CHN1: variants seen among roughly 807,000 people sequenced by gnomAD.
The protein encoded by CHN1 is N-chimaerin.
CHN1 carries 37 observed loss-of-function variants against 59.5 expected under a neutral mutation model. The ratio of observed to expected loss-of-function variants is 0.62; its 90% CI spans 0.48 to 0.82. The LOEUF is 0.82. Among genes scored for constraint, CHN1 ranks in the 40% least tolerant of loss-of-function variants. The pLI is 0.00. For missense variants in CHN1, 469 were observed against 571.0 expected (o/e 0.82, Z 1.82); for synonymous variants, 206 against 200.4 (o/e 1.03, Z -0.24).
intron 2 of CHN1, among the ~76,000 whole-genome samples, chr2:174,950,218 A>G (rs1689973751): frequency 6.6e-6 from 1 of 151,002 alleles, no homozygotes; most frequent in African/African-American, 2.4e-5. Flanking sequence ...ACTGCACACC[A>G]GCCTGGGCGA....
intron 7 of CHN1, 76 bp from the exon 8 acceptor site, chr2:174,824,594 T>A: frequency 2.6e-6 from 2 of 776,370 alleles, no homozygotes; most frequent in Non-Finnish European, 4.2e-6. Flanking sequence ...ATCAAAGCAC[T>A]AATATACAAG....
chr2:174,828,369 A>G (rs1307584098), intron 7 of CHN1, among the ~76,000 whole-genome samples: 1 of 152,256 alleles, frequency 6.6e-6, no homozygotes, highest in East Asian at 1.9e-4. Flanking sequence ...TTTTCTTTTT[A>G]CGTGCGTCGT....
At chr2:174,815,918 GT>G (rs1026165655) in intron 8 of CHN1, among the ~76,000 whole-genome samples, 3 of 151,896 alleles carry the variant, frequency 2.0e-5, no homozygotes, top group African/African-American at 7.3e-5. Context: ...AGTTTACAAA[GT>G]TTTTTTTAAA....
chr2:174,960,380 C>T (rs148352016), intron 1 of CHN1, among the ~76,000 whole-genome samples: 99 of 152,274 alleles, frequency 6.5e-4, no homozygotes, highest in African/African-American at 2.3e-3. Context: ...TTGAAGATAC[C>T]TGGACTACAT....
At chr2:174,949,839 G>A (rs1266735358) in intron 2 of CHN1, among the ~76,000 whole-genome samples, 1 of 152,064 alleles carries the variant, frequency 6.6e-6, no homozygotes, top group Admixed American at 6.5e-5. Context: ...AAATGAAAAA[G>A]TCAAAAGATA....
chr2:175,005,210 G>A lies in CHN1; in HGVS notation c.-298C>T, dbSNP rs879722535. The A allele has an allele frequency of 1.6e-6, 2 of 1,212,524 alleles. No individual in the cohort carries two copies. The highest frequency in any genetic ancestry group is 2.1e-6 in the Non-Finnish European group (2 of 971,570). 75.1% of individuals were successfully genotyped at this position (1,212,524 alleles called of 1,614,324 possible). A position where few individuals can be genotyped will look rare whatever the true frequency, so the allele number is the denominator to read the frequency against. ...CGTGCGCGCGGGAGGAGGTACCTGC[G>A]AGGCAGGAGGCTTGGCCGCGGCGCA... is the stretch of plus-strand genomic sequence containing the variant. On this transcript the variant is annotated 5_prime_UTR_variant, in exon 1 of 13. Transcript: ENST00000409900.
intron 5 of CHN1, among the ~76,000 whole-genome samples, chr2:174,903,167 CGTT>C (rs1229936570): frequency 1.3e-5 from 2 of 152,152 alleles, no homozygotes; most frequent in Non-Finnish European, 2.9e-5. Flanking sequence ...TTGACTATCT[CGTT>C]GTCCATTCTA....
chr2:174,975,663 A>C (rs1046464818), intron 1 of CHN1, among the ~76,000 whole-genome samples: 17 of 152,158 alleles, frequency 1.1e-4, no homozygotes, highest in Non-Finnish European at 1.9e-4. Flanking sequence ...AACAAAAAAA[A>C]AAAAAACAGA....
chr2:174,949,782 A>G (rs1198977496), intron 2 of CHN1, among the ~76,000 whole-genome samples: 1 of 152,216 alleles, frequency 6.6e-6, no homozygotes, highest in Non-Finnish European at 1.5e-5. Flanking sequence ...CTTTTAACAT[A>G]GTTTAATTAT....
rs1260357481 is a variant in CHN1, at chr2:174,799,113, A to G, written c.*1003T>C. ...TTAGAAGAAGTTACTCTTTTTAGTT[A>G]GCCTCTTTCTTCTTCTGAGAGCTCT... On this transcript the variant is annotated 3_prime_UTR_variant, in exon 13 of 13. Coordinates refer to ENST00000409900, the MANE Select transcript of CHN1 (RefSeq NM_001822.7). Among the ~76,000 whole-genome samples the G allele has an allele frequency of 6.6e-6, 1 of 152,244 alleles. No homozygotes were observed. The highest frequency in any genetic ancestry group is 2.4e-5 in the African/African-American group (1 of 41,458).
chr2:174,990,262 TGA>T (rs147367573), intron 1 of CHN1, among the ~76,000 whole-genome samples: 3,881 of 89,310 alleles, frequency 0.043, 117 homozygotes, highest in African/African-American at 0.085. Context: ...TGTGTGTGTG[TGA>T]GAGAGAGAGA....
chr2:174,964,450 GA>G lies in CHN1; in HGVS notation c.20-12249del, dbSNP rs534028696. 3.3e-5 allele frequency among the ~76,000 whole-genome samples: 5 copies of G among 152,304 alleles called. No homozygotes were observed. In the South Asian group the frequency reaches 1.0e-3, roughly 32 times the overall value. ...GTAAGTAAACTATCTGTAAGATGAA[GA>G]AAACATGGAAACTGAATCAGACAGA... On this transcript the variant is annotated intron_variant, in intron 1 of 12. Coordinates refer to ENST00000409900, the MANE Select transcript of CHN1 (RefSeq NM_001822.7).
At chr2:174,992,247 C>T (rs1223579198) in intron 1 of CHN1, among the ~76,000 whole-genome samples, 3 of 152,144 alleles carry the variant, frequency 2.0e-5, no homozygotes, top group Non-Finnish European at 4.4e-5. Flanking sequence ...GAACATGTGG[C>T]GTCTGAAGTG....
intron 6 of CHN1, among the ~76,000 whole-genome samples, chr2:174,854,870 G>A (rs1458467684): frequency 6.6e-6 from 1 of 152,130 alleles, no homozygotes; most frequent in Non-Finnish European, 1.5e-5. Flanking sequence ...TATGCAATGT[G>A]AGCTCAGGTC....
chr2:174,992,934 G>A (rs555147624), intron 1 of CHN1, among the ~76,000 whole-genome samples: 38 of 152,158 alleles, frequency 2.5e-4, no homozygotes, highest in South Asian at 1.2e-3. Context: ...GGAACTACAA[G>A]TGTGTGCCAC....
intron 6 of CHN1, chr2:174,875,860 T>A: frequency 1.0e-6 from 1 of 983,258 alleles, no homozygotes; most frequent in Non-Finnish European, 1.2e-6. Context: ...TCCTGTTGGA[T>A]GACACCTGTA....
chr2:174,917,566 A>G (rs1347414934), intron 4 of CHN1, among the ~76,000 whole-genome samples: 1 of 152,124 alleles, frequency 6.6e-6, no homozygotes, highest in Non-Finnish European at 1.5e-5. Context: ...CTAACCCCCA[A>G]GACCGCACGT....
At chr2:174,874,789 T>G (rs7591888) in intron 6 of CHN1, among the ~76,000 whole-genome samples, 73,484 of 151,592 alleles carry the variant, frequency 0.48, 18,576 homozygotes, top group African/African-American at 0.61. Flanking sequence ...AGCACTCTTA[T>G]AGAGTCATAA....
At chr2:174,887,464 A>G (rs1054984102) in intron 5 of CHN1, among the ~76,000 whole-genome samples, 1 of 152,162 alleles carries the variant, frequency 6.6e-6, no homozygotes, top group East Asian at 1.9e-4. Flanking sequence ...TATTAACTCA[A>G]ATAATCCCTC....
Sources: gnomAD v4.1 joint callset for allele counts (sites outside exome capture counted in the v4.1 genomes callset) on GRCh38, gnomAD v4.1.1 for gene constraint, MANE v1.5 for transcripts, NCBI Gene and HGNC (gene_info 2026-07-23, HGNC 2026-07-21) for gene names.